The following RNF212B variants were observed in gnomAD, a reference collection of about 807,000 sequenced individuals.
The protein encoded by RNF212B is ring finger protein 212B.
Under a neutral mutation model 55.5 loss-of-function variants are expected in RNF212B, and 52 were observed. The observed-to-expected ratio is 0.94, with a 90% CI of 0.75 to 1.18. The LOEUF (loss-of-function observed/expected upper bound fraction) is 1.18. Ranked by LOEUF, RNF212B falls within the 50% of genes most tolerant of loss-of-function variation. The probability of loss-of-function intolerance (pLI) is 0.00; values close to 1 mark genes in which losing one functional copy is unlikely to be tolerated. For synonymous variants in RNF212B, 99 were observed against 121.4 expected (o/e 0.82, Z 1.21); for missense variants, 289 against 350.4 (o/e 0.82, Z 1.40).
At chr14:23,195,151 G>C (rs1878531736) in intron 2 of RNF212B, among the ~76,000 whole-genome samples, 1 of 152,098 alleles carries the variant, frequency 6.6e-6, no homozygotes, top group Non-Finnish European at 1.5e-5. Context: ...ATAGGAGCCA[G>C]GTGTTGTGGT....
intron 8 of RNF212B, 37 bp downstream of exon 8, chr14:23,262,748 T>G (rs1885391274): frequency 1.3e-6 from 2 of 1,533,512 alleles, no homozygotes; most frequent in Non-Finnish European, 8.8e-7. Flanking sequence ...CTGTGTGAGA[T>G]GAATATCCTT....
At chr14:23,232,621 C>T (rs1172947333) in intron 2 of RNF212B, among the ~76,000 whole-genome samples, 1 of 151,528 alleles carries the variant, frequency 6.6e-6, no homozygotes, top group Non-Finnish European at 1.5e-5. Flanking sequence ...GCCCGGCCAG[C>T]CTCCCCGTCC....
chr14:23,223,054 CAAAAA>C (rs55694130), intron 2 of RNF212B, among the ~76,000 whole-genome samples: 6 of 124,812 alleles, frequency 4.8e-5, no homozygotes, highest in East Asian at 2.3e-4. Context: ...AACTCCGTCT[CAAAAA>C]AAAAAAAAAA....
At chr14:23,271,102 G>A (rs1357022196) in intron 14 of RNF212B, among the ~76,000 whole-genome samples, 1 of 152,100 alleles carries the variant, frequency 6.6e-6, no homozygotes, top group Admixed American at 6.6e-5. Flanking sequence ...GCAACAAAAG[G>A]TAAAGGGCAT....
intron 2 of RNF212B, among the ~76,000 whole-genome samples, chr14:23,230,766 C>T (rs1309105772): frequency 1.4e-5 from 2 of 146,182 alleles, no homozygotes; most frequent in African/African-American, 5.0e-5. Context: ...ACATTTAGGT[C>T]TTTGATCCAT....
chr14:23,189,195 G>C (rs1472783405), intron 1 of RNF212B, among the ~76,000 whole-genome samples: 2 of 152,130 alleles, frequency 1.3e-5, no homozygotes, highest in African/African-American at 2.4e-5. Context: ...TTCGCTTCTA[G>C]TTGACATCTT....
chr14:23,207,325 C>G (rs1594875260), intron 2 of RNF212B, among the ~76,000 whole-genome samples: 1 of 152,256 alleles, frequency 6.6e-6, no homozygotes, highest in East Asian at 1.9e-4. Flanking sequence ...AGACTGCTCT[C>G]TACTATTCTA....
chr14:23,230,662 A>ATC (rs1882535815), intron 2 of RNF212B, among the ~76,000 whole-genome samples: 1 of 148,926 alleles, frequency 6.7e-6, no homozygotes, highest in African/African-American at 2.5e-5. Flanking sequence ...TCAAAAAAAA[A>ATC]AAAAAAAAAA....
intron 7 of RNF212B, among the ~76,000 whole-genome samples, 188 bp downstream of exon 7, chr14:23,260,875 A>G: frequency 6.6e-6 from 1 of 152,246 alleles, no homozygotes; most frequent in East Asian, 1.9e-4. Flanking sequence ...CTGGATTGTC[A>G]TCTTATGAAA....
chr14:23,216,902 A>AAAAAC (rs1457921103), intron 2 of RNF212B, among the ~76,000 whole-genome samples: 1 of 151,348 alleles, frequency 6.6e-6, no homozygotes, highest in Non-Finnish European at 1.5e-5. Flanking sequence ...AAAAAAAAAA[A>AAAAAC]AAGACCAATC....
intron 1 of RNF212B, among the ~76,000 whole-genome samples, chr14:23,189,788 A>G (rs1343936434): frequency 6.6e-6 from 1 of 152,158 alleles, no homozygotes; most frequent in Non-Finnish European, 1.5e-5. Flanking sequence ...AGCCTGTACA[A>G]CAGAGTGAGT....
intron 2 of RNF212B, among the ~76,000 whole-genome samples, chr14:23,224,030 A>C (rs1881794569): frequency 6.6e-6 from 1 of 152,170 alleles, no homozygotes; most frequent in African/African-American, 2.4e-5. Context: ...TTAACCAAAG[A>C]AGTAAAAGAT....
At chr14:23,205,177 A>G (rs1382627345) in intron 2 of RNF212B, among the ~76,000 whole-genome samples, 1 of 152,070 alleles carries the variant, frequency 6.6e-6, no homozygotes, top group Admixed American at 6.5e-5. Flanking sequence ...TACACACACA[A>G]AAAATCTCTT....
chr14:23,201,590 T>G (rs1341402222), intron 2 of RNF212B, among the ~76,000 whole-genome samples: 1 of 152,194 alleles, frequency 6.6e-6, no homozygotes, highest in African/African-American at 2.4e-5. Context: ...AATTATATTA[T>G]TTTTGGACTT....
At chr14:23,223,450 G>T (rs1299585403) in intron 2 of RNF212B, among the ~76,000 whole-genome samples, 2 of 152,044 alleles carry the variant, frequency 1.3e-5, no homozygotes, top group Non-Finnish European at 2.9e-5. Context: ...CCGCCTCACG[G>T]GTTCACGCCA....
chr14:23,258,697 T>G (rs1221636294), intron 5 of RNF212B, 33 bp downstream of exon 5: 1 of 686,010 alleles, frequency 1.5e-6, no homozygotes, highest in Non-Finnish European at 2.2e-6. Context: ...AGAGAGCTTT[T>G]TTTTTTTTTT....
At chr14:23,240,172 T>A (rs1883463692) in intron 1 of RNF212B, among the ~76,000 whole-genome samples, 173 bp from the exon 2 acceptor site, 1 of 152,176 alleles carries the variant, frequency 6.6e-6, no homozygotes. Context: ...TCTGCTTTTT[T>A]TTCACTGTAT....
intron 2 of RNF212B, among the ~76,000 whole-genome samples, chr14:23,214,744 C>CT (rs1440203812): frequency 1.3e-5 from 2 of 151,738 alleles, no homozygotes; most frequent in Non-Finnish European, 2.9e-5. Context: ...TCAGATTTAA[C>CT]ATTTGTGTCA....
rs943847287 is a variant in RNF212B, at chr14:23,270,397, T to C, written c.773-203T>C. ...TTTATATTGGCTATTTTCCCACTCATAGTTAAATCTCAGACCTCTCTGCCA... is the reference window on the plus strand; with the variant it reads ...TTTATATTGGCTATTTTCCCACTCACAGTTAAATCTCAGACCTCTCTGCCA... On this transcript the variant is annotated intron_variant, in intron 13 of 14. Transcript: ENST00000430154. Among the ~76,000 whole-genome samples the C allele has an allele frequency of 2.6e-5, 4 of 152,198 alleles. No individual in the cohort carries two copies. The South Asian group carries it at 8.3e-4, about 31-fold the overall frequency.
Sources: gnomAD v4.1 joint callset for allele counts (sites outside exome capture counted in the v4.1 genomes callset) on GRCh38, gnomAD v4.1.1 for gene constraint, MANE v1.5 for transcripts, NCBI Gene and HGNC (gene_info 2026-07-23, HGNC 2026-07-21) for gene names.